GNAQ: variants seen among roughly 807,000 people sequenced by gnomAD.
The protein encoded by GNAQ is guanine nucleotide-binding protein G(q) subunit alpha.
GNAQ carries 8 observed loss-of-function variants against 43.9 expected under a neutral mutation model. That is an observed-to-expected ratio of 0.18 (90% CI 0.11 to 0.33). The LOEUF (loss-of-function observed/expected upper bound fraction) is 0.33. Ranked by LOEUF, GNAQ falls within the 10% of genes least tolerant of loss-of-function variation. The pLI is 1.00. For missense variants in GNAQ, 158 were observed against 450.8 expected (o/e 0.35, Z 5.88); for synonymous variants, 155 against 170.7 (o/e 0.91, Z 0.71).
At chr9:77,762,405 A>AC (rs1205478550) in intron 5 of GNAQ, among the ~76,000 whole-genome samples, 5 of 52,166 alleles carry the variant, frequency 9.6e-5, no homozygotes, top group Non-Finnish European at 7.1e-5. Context: ...CTGGCCAGCC[A>AC]CCCCATCCGG....
intron 1 of GNAQ, among the ~76,000 whole-genome samples, chr9:77,973,314 G>T (rs1225643218): frequency 6.6e-6 from 1 of 152,184 alleles, no homozygotes; most frequent in Non-Finnish European, 1.5e-5. Flanking sequence ...CCTTGTCCCT[G>T]CATGTGCAGC....
chr9:77,976,295 G>A lies in GNAQ; in HGVS notation c.137-53950C>T, dbSNP rs79499147. Reference sequence around the variant, plus strand: ...CAAGGCTGAAGAACAACTGGGGTCAGGTGTTAAGAGTCCTAACCAGTGGTA... The same window carrying A: ...CAAGGCTGAAGAACAACTGGGGTCAAGTGTTAAGAGTCCTAACCAGTGGTA... On this transcript the variant is annotated intron_variant, in intron 1 of 6. Transcript: ENST00000286548. Among the ~76,000 whole-genome samples the A allele has an allele frequency of 7.9e-4, 120 of 152,296 alleles. 1 individual carries two copies. The East Asian group carries it at 0.016, about 21-fold the overall frequency.
chr9:77,964,501 G>A (rs879774451), intron 1 of GNAQ, among the ~76,000 whole-genome samples: 5 of 152,074 alleles, frequency 3.3e-5, no homozygotes, highest in Non-Finnish European at 5.9e-5. Flanking sequence ...ATTTTCAAGT[G>A]CACCTGAAGC....
chr9:77,890,028 A>G (rs1828376103), intron 2 of GNAQ, among the ~76,000 whole-genome samples: 1 of 152,246 alleles, frequency 6.6e-6, no homozygotes. Context: ...ACTCGCTTAC[A>G]AAACACATAA....
chr9:77,938,528 G>T (rs73457753), intron 1 of GNAQ, among the ~76,000 whole-genome samples: 1,658 of 152,280 alleles, frequency 0.011, 40 homozygotes, highest in African/African-American at 0.038. Context: ...CACACAGGAG[G>T]TAAGTGCCTG....
chr9:77,902,442 T>C (rs1828629806), intron 2 of GNAQ, among the ~76,000 whole-genome samples: 1 of 152,228 alleles, frequency 6.6e-6, no homozygotes, highest in Non-Finnish European at 1.5e-5. Context: ...ACTTACATAA[T>C]AAAAGCCTTG....
chr9:78,012,268 C>T (rs1242423170), intron 1 of GNAQ, among the ~76,000 whole-genome samples: 2 of 144,696 alleles, frequency 1.4e-5, no homozygotes, highest in Non-Finnish European at 3.0e-5. Flanking sequence ...GACGGAGTCT[C>T]ACCTTGTCAC....
chr9:77,888,814 T>A (rs539896656), intron 2 of GNAQ, among the ~76,000 whole-genome samples: 5 of 151,774 alleles, frequency 3.3e-5, no homozygotes, highest in African/African-American at 1.2e-4. Context: ...CACTAACAAT[T>A]AGTCTAGCAA....
rs145379752 is a variant in GNAQ at position 77,832,780 on chromosome 9, G to A, written c.322-17010C>T. ...TGGGTTAGTGTGGTTACGTTGTACG[G>A]TTGTCAGATTATTCACTGCACAAGG... is the stretch of plus-strand genomic sequence containing the variant. On this transcript the variant is annotated intron_variant, in intron 2 of 6. Transcript: ENST00000286548. Among the ~76,000 whole-genome samples, 7 of 152,186 alleles carry A rather than the reference G, an allele frequency of 4.6e-5. No homozygotes were observed. The East Asian group carries it at 1.2e-3, about 25-fold the overall frequency.
chr9:77,831,225 A>T (rs1367028540), intron 2 of GNAQ, among the ~76,000 whole-genome samples: 4 of 152,212 alleles, frequency 2.6e-5, no homozygotes, highest in East Asian at 1.9e-4. Context: ...ATCATTTTTT[A>T]AAAAAGAATT....
intron 5 of GNAQ, among the ~76,000 whole-genome samples, chr9:77,732,554 C>T (rs1247165183): frequency 6.6e-6 from 1 of 152,144 alleles, no homozygotes; most frequent in Non-Finnish European, 1.5e-5. Context: ...TTAGTAGAGA[C>T]AGTGTTTCAC....
chr9:77,753,808 T>C (rs1250739119), intron 5 of GNAQ, among the ~76,000 whole-genome samples: 2 of 150,730 alleles, frequency 1.3e-5, no homozygotes, highest in Non-Finnish European at 3.0e-5. Flanking sequence ...AGGCACTGTA[T>C]AGTCGCCCTT....
chr9:77,727,795 TG>T (rs1191256370), intron 6 of GNAQ, among the ~76,000 whole-genome samples: 2 of 152,134 alleles, frequency 1.3e-5, no homozygotes, highest in Non-Finnish European at 1.5e-5. Context: ...GTGTCAGAAC[TG>T]GGATCTCAAC....
In GNAQ at chr9:77,717,101, A is replaced by G; in HGVS notation, c.*4222T>C. ...GGAACCAAAATGAAATCCCAAAGAC[A>G]CAGTTACCAGGACAGATCTATTAAC... On this transcript the variant is annotated 3_prime_UTR_variant, in exon 7 of 7. Transcript: ENST00000286548. 1 of 232,662 alleles carries G rather than the reference A, an allele frequency of 4.3e-6. No individual in the cohort carries two copies. Among genetic ancestry groups the G allele is most frequent in the Non-Finnish European group, 8.5e-6 (1 of 117,702 alleles). The allele number at this position is 232,662 out of a possible 1,614,324, so 14.4% of individuals were successfully genotyped here. A position where few individuals can be genotyped will look rare whatever the true frequency, so the allele number is the denominator to read the frequency against.
intron 1 of GNAQ, among the ~76,000 whole-genome samples, chr9:78,010,653 C>T (rs962444213): frequency 6.6e-6 from 1 of 152,112 alleles, no homozygotes; most frequent in South Asian, 2.1e-4. Flanking sequence ...CAGCAACTTC[C>T]TTTCTATCCC....
At chr9:77,996,970 C>A (rs1823577419) in intron 1 of GNAQ, among the ~76,000 whole-genome samples, 1 of 152,178 alleles carries the variant, frequency 6.6e-6, no homozygotes, top group Admixed American at 6.5e-5. Context: ...TTTACTACTC[C>A]TAGGCCCTGT....
At position 78,031,249 on chromosome 9, in the gene GNAQ, C is replaced by G; in HGVS notation, c.-14G>C. On this transcript the variant is annotated 5_prime_UTR_variant, in exon 1 of 7. Coordinates refer to ENST00000286548, the MANE Select transcript of GNAQ (RefSeq NM_002072.5). Reference sequence around the variant, plus strand: ...CTCCAGAGTCATTCTTCCAAAGTGCCTCCGCTGCAGCCCCGCCGGCACCCC... The same window carrying G: ...CTCCAGAGTCATTCTTCCAAAGTGCGTCCGCTGCAGCCCCGCCGGCACCCC... 2 of 1,488,580 alleles carry G rather than the reference C, an allele frequency of 1.3e-6. No homozygotes were observed. Among genetic ancestry groups the G allele is most frequent in the Middle Eastern group, 5.0e-4 (2 of 3,978 alleles). 92.2% of individuals were successfully genotyped at this position (1,488,580 alleles called of 1,614,324 possible).
chr9:77,814,627 C>CA (rs1450038998), intron 3 of GNAQ, among the ~76,000 whole-genome samples: 4 of 152,120 alleles, frequency 2.6e-5, no homozygotes, highest in African/African-American at 9.7e-5. Context: ...AAAACAGAGT[C>CA]ATATAGCTCT....
chr9:78,031,456 A>G lies in GNAQ; in HGVS notation c.-221T>C, dbSNP rs1050788309. 4.1e-5 allele frequency: 8 copies of G among 193,522 alleles called. No homozygotes were observed. Among genetic ancestry groups the G allele is most frequent in the Non-Finnish European group, 7.3e-5 (7 of 95,316 alleles). The allele number at this position is 193,522 out of a possible 1,614,324, so 12.0% of individuals were successfully genotyped here. On this transcript the variant is annotated 5_prime_UTR_variant, in exon 1 of 7. Transcript: ENST00000286548. ...CGGTGGGAGCGGATAGTCTGGGCCG[A>G]CGGGAGAAGAGAGGCGGGCGCGGGA...
Sources: gnomAD v4.1 joint callset for allele counts (sites outside exome capture counted in the v4.1 genomes callset) on GRCh38, gnomAD v4.1.1 for gene constraint, MANE v1.5 for transcripts, NCBI Gene and HGNC (gene_info 2026-07-23, HGNC 2026-07-21) for gene names.